Variants in SH3GL2 observed in about 807,000 individuals in gnomAD.
The protein encoded by SH3GL2 is SH3 domain containing GRB2 like 2, endophilin A1.
SH3GL2 carries 24 observed loss-of-function variants against 46.0 expected under a neutral mutation model. That is an observed-to-expected ratio of 0.52 (90% confidence interval 0.38 to 0.73). The LOEUF (loss-of-function observed/expected upper bound fraction) is 0.73. Among genes scored for constraint, SH3GL2 ranks in the 30% least tolerant of loss-of-function variants. The pLI is 0.00. For synonymous variants in SH3GL2, 196 were observed against 147.1 expected, an observed-to-expected ratio of 1.33 and a Z score of -2.40; for missense variants, 413 against 424.2, an observed-to-expected ratio of 0.97 and a Z score of 0.23.
At chr9:17,691,228 A>G (rs943210775) in intron 1 of SH3GL2, among the ~76,000 whole-genome samples, 8 of 152,092 alleles carry the variant, frequency 5.3e-5, no homozygotes, top group African/African-American at 9.7e-5. Flanking sequence ...TTGTTGCTTT[A>G]TAGCTTTTTC....
chr9:17,739,674 A>G (rs1021126279), intron 1 of SH3GL2, among the ~76,000 whole-genome samples: 4 of 152,182 alleles, frequency 2.6e-5, no homozygotes, highest in Non-Finnish European at 5.9e-5. Context: ...GTAAGGCAAA[A>G]ACAGGAAACC....
chr9:17,661,719 A>T (rs1820220904), intron 1 of SH3GL2, among the ~76,000 whole-genome samples: 1 of 152,192 alleles, frequency 6.6e-6, no homozygotes. Flanking sequence ...GTGTGATCAA[A>T]AGTTTGCAGG....
At chr9:17,621,897 T>G (rs1819150210) in intron 1 of SH3GL2, among the ~76,000 whole-genome samples, 2 of 152,208 alleles carry the variant, frequency 1.3e-5, no homozygotes, top group South Asian at 2.1e-4. Flanking sequence ...TTTTCTACTT[T>G]GCCCAATAAA....
chr9:17,587,472 C>T (rs1020685925), intron 1 of SH3GL2, among the ~76,000 whole-genome samples: 3 of 152,166 alleles, frequency 2.0e-5, no homozygotes, highest in Non-Finnish European at 2.9e-5. Context: ...TCTTTGGGAA[C>T]GGCATAACTT....
At chr9:17,623,067 TC>T in intron 1 of SH3GL2, among the ~76,000 whole-genome samples, 1 of 129,924 alleles carries the variant, frequency 7.7e-6, no homozygotes, top group Non-Finnish European at 1.6e-5. Context: ...CCCTTCCCCT[TC>T]CCCTTCCCCT....
chr9:17,610,922 A>T (rs1000124267), intron 1 of SH3GL2, among the ~76,000 whole-genome samples: 1 of 152,164 alleles, frequency 6.6e-6, no homozygotes, highest in African/African-American at 2.4e-5. Context: ...TGGTAAAATT[A>T]ATACAGTGAA....
At chr9:17,640,684 A>G (rs983962495) in intron 1 of SH3GL2, among the ~76,000 whole-genome samples, 1 of 151,966 alleles carries the variant, frequency 6.6e-6, no homozygotes, top group African/African-American at 2.4e-5. Context: ...TCTCCATAAC[A>G]CTTCTCATTT....
intron 1 of SH3GL2, among the ~76,000 whole-genome samples, chr9:17,679,767 G>T (rs1384419204): frequency 6.6e-6 from 1 of 152,146 alleles, no homozygotes; most frequent in Non-Finnish European, 1.5e-5. Context: ...CTGTGGGTTT[G>T]TGATAAATAG....
chr9:17,595,474 A>G (rs867269127), intron 1 of SH3GL2, among the ~76,000 whole-genome samples: 16 of 152,204 alleles, frequency 1.1e-4, no homozygotes, highest in South Asian at 2.1e-4. Flanking sequence ...ATCCCCGTTT[A>G]TGGTGGGAGT....
chr9:17,658,695 A>G (rs1427484164), intron 1 of SH3GL2, among the ~76,000 whole-genome samples: 1 of 152,156 alleles, frequency 6.6e-6, no homozygotes, highest in Non-Finnish European at 1.5e-5. Flanking sequence ...TTGGGAGGAG[A>G]GCTGTTAGAA....
intron 1 of SH3GL2, among the ~76,000 whole-genome samples, chr9:17,665,994 C>T (rs1820332510): frequency 6.6e-6 from 1 of 151,004 alleles, no homozygotes; most frequent in Non-Finnish European, 1.5e-5. Flanking sequence ...ATATTTGTAA[C>T]TCCACCGCCT....
At chr9:17,786,311 C>T (rs1823955223) in intron 3 of SH3GL2, 70 bp from the exon 4 acceptor site, 1 of 1,445,742 alleles carries the variant, frequency 6.9e-7, no homozygotes, top group South Asian at 1.3e-5. Context: ...GAGACCTGAT[C>T]CTCCATCCAG....
chr9:17,587,230 A>G (rs530283354), intron 1 of SH3GL2, among the ~76,000 whole-genome samples: 30 of 152,132 alleles, frequency 2.0e-4, no homozygotes, highest in Non-Finnish European at 2.8e-4. Flanking sequence ...CAAAAAGTAC[A>G]GGAAATAATG....
Position 17,624,678 on chromosome 9 carries a change from C to A in SH3GL2, c.45+45391C>A, listed in dbSNP as rs1418356994. ...CTGTGTCCATGTGGCATGTTCCCAT[C>A]ACTTACTTTTGACAAATTTTTCACT... On this transcript the variant is annotated intron_variant, in intron 1 of 8. Transcript: ENST00000380607. Among the ~76,000 whole-genome samples the A allele has an allele frequency of 3.3e-5, 5 of 152,302 alleles. No homozygotes were observed. The East Asian group carries it at 9.7e-4, about 29-fold the overall frequency.
chr9:17,579,234 TC>T lies in SH3GL2; in HGVS notation c.-7del. The T allele has an allele frequency of 6.4e-7, 1 of 1,556,850 alleles. No individual in the cohort carries two copies. Among genetic ancestry groups the T allele is most frequent in the Admixed American group, 1.8e-5 (1 of 54,606 alleles). On this transcript the variant is annotated 5_prime_UTR_variant, in exon 1 of 9. Coordinates refer to ENST00000380607, the MANE Select transcript of SH3GL2 (RefSeq NM_003026.5). Reference sequence around the variant, plus strand: ...CCGCACAGCAGCCGCCAGCGCGGCCTCCTGCACCATGTCGGTGGCCGGCCTC... The same window carrying T: ...CCGCACAGCAGCCGCCAGCGCGGCCTCTGCACCATGTCGGTGGCCGGCCTC...
At chr9:17,626,425 T>A (rs764793906) in intron 1 of SH3GL2, among the ~76,000 whole-genome samples, 17 of 152,206 alleles carry the variant, frequency 1.1e-4, no homozygotes, top group Non-Finnish European at 2.2e-4. Context: ...TTCATTAAGG[T>A]CCTAGTTGGA....
At chr9:17,677,055 T>G (rs746749144) in intron 1 of SH3GL2, among the ~76,000 whole-genome samples, 1 of 152,154 alleles carries the variant, frequency 6.6e-6, no homozygotes, top group South Asian at 2.1e-4. Flanking sequence ...CATTTGGCGA[T>G]GTCTTCCTCC....
At chr9:17,635,746 G>C (rs971159309) in intron 1 of SH3GL2, among the ~76,000 whole-genome samples, 4 of 152,204 alleles carry the variant, frequency 2.6e-5, no homozygotes, top group African/African-American at 9.7e-5. Flanking sequence ...CTTGGAGTCA[G>C]CTGTGATGCC....
At chr9:17,784,097 A>G (rs1209577083) in intron 3 of SH3GL2, among the ~76,000 whole-genome samples, 1 of 152,160 alleles carries the variant, frequency 6.6e-6, no homozygotes, top group African/African-American at 2.4e-5. Context: ...CTTAAAAGCT[A>G]GTCTCTTCAG....
Sources: gnomAD v4.1 joint callset for allele counts (sites outside exome capture counted in the v4.1 genomes callset) on GRCh38, gnomAD v4.1.1 for gene constraint, MANE v1.5 for transcripts, NCBI Gene and HGNC (gene_info 2026-07-23, HGNC 2026-07-21) for gene names.